Variants in COBL observed in about 807,000 individuals in gnomAD.
COBL encodes the protein protein cordon-bleu.
Under a neutral mutation model 98.8 loss-of-function variants are expected in COBL, and 51 were observed. That is an observed-to-expected ratio of 0.52 (90% CI 0.41 to 0.65). The LOEUF (loss-of-function observed/expected upper bound fraction) is 0.65. COBL is among the 30% of genes least tolerant of loss of function. COBL has a pLI of 0.00. For synonymous variants in COBL, 634 were observed against 651.7 expected, an observed-to-expected ratio of 0.97 and a Z score of 0.41; for missense variants, 1,617 against 1,617.5, an observed-to-expected ratio of 1.00 and a Z score of 0.01.
chr7:51,059,284 A>C (rs541504827), intron 7 of COBL, among the ~76,000 whole-genome samples: 22 of 152,268 alleles, frequency 1.4e-4, no homozygotes, highest in African/African-American at 4.8e-4. Flanking sequence ...TGTTTTGGTG[A>C]CCAGAAATAT....
chr7:51,079,689 A>G lies in COBL; in HGVS notation c.1096+5477T>C, dbSNP rs548864845. Among the ~76,000 whole-genome samples the G allele has an allele frequency of 4.7e-4, 72 of 152,278 alleles. 2 individuals are homozygous for G. In the East Asian group the frequency reaches 0.012, roughly 26 times the overall value. The stretch of plus-strand genomic sequence containing the variant: ...GGTGGCCACAGGGTGTGCACAGAGA[A>G]CTTGCCCTGTGCAGCTGTGGCTTGA... On this transcript the variant is annotated intron_variant, in intron 7 of 12. Transcript: ENST00000265136.
At chr7:51,128,507 G>A (rs559858870) in intron 6 of COBL, among the ~76,000 whole-genome samples, 2 of 152,318 alleles carry the variant, frequency 1.3e-5, no homozygotes, top group South Asian at 2.1e-4. Flanking sequence ...AACACAGAGC[G>A]GGGAGGGGAG....
chr7:51,046,646 C>T (rs1789732419), intron 7 of COBL, among the ~76,000 whole-genome samples: 1 of 152,032 alleles, frequency 6.6e-6, no homozygotes, highest in South Asian at 2.1e-4. Context: ...TTCATCAATG[C>T]TAAACGGAAA....
chr7:51,238,624 A>G (rs987268729), intron 1 of COBL, among the ~76,000 whole-genome samples: 27 of 146,936 alleles, frequency 1.8e-4, no homozygotes, highest in African/African-American at 5.6e-4. Flanking sequence ...GCAAAGGGGG[A>G]AAAATGTTGG....
At chr7:51,176,231 A>G (rs1460751482) in intron 5 of COBL, among the ~76,000 whole-genome samples, 4 of 152,184 alleles carry the variant, frequency 2.6e-5, no homozygotes, top group Admixed American at 6.5e-5. Context: ...TTGGTGAGTC[A>G]CTTGGAAAGG....
chr7:51,308,278 C>A (rs1802676028), intron 1 of COBL, among the ~76,000 whole-genome samples: 1 of 152,190 alleles, frequency 6.6e-6, no homozygotes, highest in Admixed American at 6.5e-5. Context: ...CATTAACACT[C>A]CTACCCAAGA....
intron 5 of COBL, among the ~76,000 whole-genome samples, chr7:51,175,763 C>A (rs1373639842): frequency 2.6e-5 from 4 of 152,222 alleles, no homozygotes; most frequent in Non-Finnish European, 5.9e-5. Flanking sequence ...CTCTGGCTTG[C>A]CTGATGGCAG....
chr7:51,084,759 T>C (rs999207314), intron 7 of COBL, among the ~76,000 whole-genome samples: 3 of 152,166 alleles, frequency 2.0e-5, no homozygotes, highest in Non-Finnish European at 4.4e-5. Flanking sequence ...GATGTCAACT[T>C]GTCTATACAT....
intron 1 of COBL, among the ~76,000 whole-genome samples, chr7:51,283,003 T>A (rs1051450677): frequency 5.3e-5 from 8 of 152,136 alleles, no homozygotes; most frequent in Admixed American, 5.2e-4. Context: ...TTAAAAATCA[T>A]GACTGGTGGG....
intron 6 of COBL, among the ~76,000 whole-genome samples, chr7:51,101,433 G>C (rs1795794772): frequency 6.6e-6 from 1 of 152,136 alleles, no homozygotes; most frequent in South Asian, 2.1e-4. Flanking sequence ...TTTTTATAAA[G>C]GAAGAAACTG....
intron 5 of COBL, among the ~76,000 whole-genome samples, chr7:51,141,816 G>A (rs982706832): frequency 6.6e-6 from 1 of 152,140 alleles, no homozygotes; most frequent in Non-Finnish European, 1.5e-5. Context: ...AGCAGCTCAG[G>A]TCTGTCAAAG....
At chr7:51,085,862 C>T (rs537479836) in intron 6 of COBL, among the ~76,000 whole-genome samples, 4 of 152,272 alleles carry the variant, frequency 2.6e-5, no homozygotes, top group African/African-American at 7.2e-5. Context: ...GATCCAGAAT[C>T]GCAATGAAGT....
At chr7:51,051,426 T>C (rs1399677868) in intron 7 of COBL, among the ~76,000 whole-genome samples, 5 of 152,250 alleles carry the variant, frequency 3.3e-5, no homozygotes, top group Admixed American at 3.3e-4. Context: ...CTGCTCTTGT[T>C]TTATGTGATG....
intron 3 of COBL, among the ~76,000 whole-genome samples, chr7:51,192,322 A>G (rs1267749666): frequency 1.3e-5 from 2 of 152,220 alleles, no homozygotes; most frequent in African/African-American, 4.8e-5. Context: ...TAAAAGTACA[A>G]TAAAGCTGGG....
chr7:51,216,485 T>G (rs74787257), intron 2 of COBL, among the ~76,000 whole-genome samples: 1,788 of 152,282 alleles, frequency 0.012, 38 homozygotes, highest in South Asian at 0.038. Flanking sequence ...GATCTTCTGT[T>G]CTTGTGCCTC....
At chr7:51,115,083 T>G (rs899873036) in intron 6 of COBL, among the ~76,000 whole-genome samples, 6 of 152,204 alleles carry the variant, frequency 3.9e-5, no homozygotes, top group African/African-American at 1.4e-4. Context: ...TTCAAAATTT[T>G]TGGTAAAAAG....
intron 6 of COBL, among the ~76,000 whole-genome samples, chr7:51,087,153 C>T (rs1173966870): frequency 6.6e-6 from 1 of 151,778 alleles, no homozygotes; most frequent in Non-Finnish European, 1.5e-5. Context: ...CATACACACA[C>T]ACACACACGC....
At chr7:51,090,659 G>C (rs1364027211) in intron 6 of COBL, among the ~76,000 whole-genome samples, 2 of 152,238 alleles carry the variant, frequency 1.3e-5, no homozygotes, top group East Asian at 3.9e-4. Context: ...GCAAAGGCCA[G>C]CACAGCTCAG....
At chr7:51,209,046 TAAAAAAAAAAAAA>T (rs572689062) in intron 2 of COBL, among the ~76,000 whole-genome samples, 3 of 43,426 alleles carry the variant, frequency 6.9e-5, no homozygotes, top group African/African-American at 1.6e-4. Context: ...AATGATCAAT[TAAAAAAAAAAAAA>T]AAAAAAAAAA....
Sources: allele counts gnomAD v4.1 joint callset (sites outside exome capture counted in the v4.1 genomes callset), GRCh38; gene constraint gnomAD v4.1.1; transcripts MANE v1.5; gene names NCBI Gene and HGNC (gene_info 2026-07-23, HGNC 2026-07-21).